The following FRMPD4 variants were observed in gnomAD, a reference collection of about 807,000 sequenced individuals.
FRMPD4 encodes the protein FERM and PDZ domain-containing protein 4.
Under a neutral mutation model 94.1 loss-of-function variants are expected in FRMPD4, and 22 were observed. The observed-to-expected ratio is 0.23, with a 90% CI of 0.17 to 0.33. The LOEUF (loss-of-function observed/expected upper bound fraction) is 0.33, where lower values mean the gene tolerates loss of function less well. FRMPD4 is among the 10% of genes least tolerant of loss of function. The pLI is 1.00. For missense variants in FRMPD4, 1,111 were observed against 1,339.9 expected (o/e 0.83, Z 2.67); for synonymous variants, 631 against 548.6 (o/e 1.15, Z -2.10).
At chrX:12,551,248 T>C (rs942184142) in intron 2 of FRMPD4, among the ~76,000 whole-genome samples, 1 of 111,175 alleles carries the variant, frequency 9.0e-6, no homozygotes, top group East Asian at 2.8e-4. Flanking sequence ...CGACAATTAT[T>C]AACTCATGAC....
At chrX:12,204,183 C>A (rs999615642) in intron 1 of FRMPD4, among the ~76,000 whole-genome samples, 1 of 112,384 alleles carries the variant, frequency 8.9e-6, no homozygotes, top group African/African-American at 3.2e-5. Flanking sequence ...GGGAGTACTA[C>A]TGGCTTAGCT....
At chrX:12,174,769 T>C (rs1330098282) in intron 1 of FRMPD4, among the ~76,000 whole-genome samples, 3 of 112,307 alleles carry the variant, frequency 2.7e-5, no homozygotes, top group African/African-American at 9.7e-5. Context: ...GACCCATTGA[T>C]ATCAATACCT....
At chrX:12,063,400 AT>A (rs908813640) in intron 3 of FRMPD4, among the ~76,000 whole-genome samples, 9 of 112,090 alleles carry the variant, frequency 8.0e-5, no homozygotes, top group African/African-American at 1.3e-4. Context: ...AAACAAAAAA[AT>A]GTTTTTCACC....
chrX:11,869,422 A>G (rs1330013379), intron 2 of FRMPD4, among the ~76,000 whole-genome samples: 1 of 111,883 alleles, frequency 8.9e-6, no homozygotes, highest in African/African-American at 3.2e-5. Flanking sequence ...GATCTGGCAT[A>G]TATTTCAAAA....
chrX:12,362,426 A>G (rs1280451204), intron 1 of FRMPD4, among the ~76,000 whole-genome samples: 1 of 110,419 alleles, frequency 9.1e-6, no homozygotes, highest in Non-Finnish European at 1.9e-5. Context: ...CTCATTGTTC[A>G]ATTCCCACCT....
At chrX:12,082,506 A>G (rs2055070622) in intron 3 of FRMPD4, among the ~76,000 whole-genome samples, 2 of 111,745 alleles carry the variant, frequency 1.8e-5, no homozygotes. Context: ...GGAGAATGAA[A>G]ATGAGCTAAT....
chrX:12,166,072 T>A (rs1428817647), intron 1 of FRMPD4, among the ~76,000 whole-genome samples: 14 of 111,926 alleles, frequency 1.3e-4, no homozygotes, highest in East Asian at 1.1e-3. Context: ...CCCTGGCCAG[T>A]ACTTCCAACA....
intron 1 of FRMPD4, among the ~76,000 whole-genome samples, chrX:12,182,277 C>T (rs1053924366): frequency 9.0e-6 from 1 of 111,712 alleles, no homozygotes; most frequent in East Asian, 2.8e-4. Context: ...GAGATCTTGC[C>T]AATCAGTAAG....
At chrX:12,714,352 G>C (rs1350639027) in intron 14 of FRMPD4, among the ~76,000 whole-genome samples, 1 of 111,498 alleles carries the variant, frequency 9.0e-6, no homozygotes, top group Non-Finnish European at 1.9e-5. Flanking sequence ...CTTAACTCCA[G>C]TGTCTGCCTC....
At chrX:12,202,728 A>C (rs2056645252) in intron 1 of FRMPD4, among the ~76,000 whole-genome samples, 1 of 112,423 alleles carries the variant, frequency 8.9e-6, no homozygotes, top group South Asian at 3.7e-4. Context: ...ATACTGGATT[A>C]AGGTAGACCC....
chrX:12,700,733 T>G (rs769035799), intron 9 of FRMPD4, among the ~76,000 whole-genome samples: 10 of 112,643 alleles, frequency 8.9e-5, no homozygotes, highest in Non-Finnish European at 1.7e-4. Flanking sequence ...GATAAAGCAC[T>G]TGATGTGCAC....
chrX:12,518,096 C>A (rs1478701291), intron 2 of FRMPD4, among the ~76,000 whole-genome samples: 1 of 112,173 alleles, frequency 8.9e-6, no homozygotes, highest in Non-Finnish European at 1.9e-5. Context: ...CACCCCTCCC[C>A]CTGGGAGGTC....
intron 2 of FRMPD4, among the ~76,000 whole-genome samples, chrX:12,591,545 T>C (rs747368225): frequency 2.7e-5 from 3 of 112,092 alleles, no homozygotes; most frequent in Non-Finnish European, 5.6e-5. Context: ...TTTTTATAAA[T>C]AAAGTTTTAT....
chrX:12,319,771 A>G (rs2055180191), intron 1 of FRMPD4, among the ~76,000 whole-genome samples: 1 of 111,782 alleles, frequency 8.9e-6, no homozygotes, highest in African/African-American at 3.2e-5. Context: ...TGTAAAACCC[A>G]AGGGCTTCTA....
At chrX:11,870,652 G>A (rs763137202) in intron 2 of FRMPD4, among the ~76,000 whole-genome samples, 1 of 111,546 alleles carries the variant, frequency 9.0e-6, no homozygotes, top group Admixed American at 9.5e-5. Flanking sequence ...CTGTGTCTCC[G>A]TTGGGATATA....
intron 2 of FRMPD4, among the ~76,000 whole-genome samples, chrX:12,503,422 A>G (rs1216493749): frequency 8.9e-6 from 1 of 112,005 alleles, no homozygotes; most frequent in African/African-American, 3.2e-5. Flanking sequence ...AAACTGAGTT[A>G]CTATCTCCTT....
At chrX:11,978,282 ACTGTACTCCAGC>A (rs2054378113) in intron 3 of FRMPD4, among the ~76,000 whole-genome samples, 1 of 88,592 alleles carries the variant, frequency 1.1e-5, no homozygotes, top group African/African-American at 4.3e-5. Flanking sequence ...GGATTGTGCC[ACTGTACTCCAGC>A]CTGGATGACA....
At chrX:12,016,169 G>A (rs1163598755) in intron 3 of FRMPD4, among the ~76,000 whole-genome samples, 1 of 111,937 alleles carries the variant, frequency 8.9e-6, no homozygotes, top group Non-Finnish European at 1.9e-5. Context: ...GGAGAAGTCA[G>A]TAGAAGAGAA....
intron 3 of FRMPD4, among the ~76,000 whole-genome samples, chrX:11,942,311 G>C (rs1336538586): frequency 9.5e-6 from 1 of 105,435 alleles, no homozygotes; most frequent in Non-Finnish European, 1.9e-5. Context: ...CTGTGCTCAA[G>C]TGATCCTCCT....
Sources: allele counts gnomAD v4.1 joint callset (sites outside exome capture counted in the v4.1 genomes callset), GRCh38; gene constraint gnomAD v4.1.1; transcripts MANE v1.5; gene names NCBI Gene and HGNC (gene_info 2026-07-23, HGNC 2026-07-21).